MICAL2: variants seen among roughly 807,000 people sequenced by gnomAD.
MICAL2 encodes [F-actin]-monooxygenase MICAL2.
In MICAL2, 77 loss-of-function variants were observed where a neutral mutation model predicts 127.3. The observed-to-expected ratio is 0.60, with a 90% CI of 0.50 to 0.73. The LOEUF (loss-of-function observed/expected upper bound fraction) is 0.73, where lower values mean the gene tolerates loss of function less well. MICAL2 is among the 30% of genes least tolerant of loss of function. MICAL2 has a pLI of 0.00. For synonymous variants in MICAL2, 570 were observed against 551.1 expected (o/e 1.03, Z -0.48); for missense variants, 1,351 against 1,434.4 (o/e 0.94, Z 0.94).
intron 15 of MICAL2, among the ~76,000 whole-genome samples, chr11:12,232,586 G>T (rs983345755): frequency 2.0e-5 from 3 of 152,156 alleles, no homozygotes; most frequent in African/African-American, 7.2e-5. Context: ...AGCCTGCGTG[G>T]TGGTGCACAC....
chr11:12,123,762 G>T (rs1374261431), intron 1 of MICAL2, among the ~76,000 whole-genome samples: 1 of 152,002 alleles, frequency 6.6e-6, no homozygotes, highest in Non-Finnish European at 1.5e-5. Context: ...TTTCTCTCCT[G>T]CATCTTCTTC....
chr11:12,133,953 A>G (rs1034304891), intron 1 of MICAL2, among the ~76,000 whole-genome samples: 1 of 152,232 alleles, frequency 6.6e-6, no homozygotes. Context: ...GTGACAGTAG[A>G]AATGGGCTGT....
intron 22 of MICAL2, among the ~76,000 whole-genome samples, chr11:12,250,490 T>C (rs1206649905): frequency 1.3e-5 from 2 of 152,214 alleles, no homozygotes; most frequent in African/African-American, 4.8e-5. Context: ...TGGAAGTCTC[T>C]CCATTTTACA....
At chr11:12,125,888 A>G (rs960188862) in intron 1 of MICAL2, among the ~76,000 whole-genome samples, 1 of 152,182 alleles carries the variant, frequency 6.6e-6, no homozygotes, top group South Asian at 2.1e-4. Flanking sequence ...TTCTTTAAAT[A>G]ACAGATAATC....
intron 29 of MICAL2, among the ~76,000 whole-genome samples, chr11:12,313,638 A>G (rs1460038357): frequency 6.6e-6 from 1 of 152,164 alleles, no homozygotes; most frequent in Admixed American, 6.5e-5. Flanking sequence ...ATTGGATGTG[A>G]TATTCTATAT....
downstream of MICAL2, among the ~76,000 whole-genome samples, chr11:12,266,634 T>G (rs1483330436): frequency 6.6e-6 from 1 of 152,198 alleles, no homozygotes; most frequent in African/African-American, 2.4e-5. Context: ...CTCCTGATAC[T>G]AGGGAGGCAG....
intron 2 of MICAL2, among the ~76,000 whole-genome samples, chr11:12,158,168 CAAGT>C (rs1014029611): frequency 6.6e-6 from 1 of 151,404 alleles, no homozygotes; most frequent in Non-Finnish European, 1.5e-5. Context: ...GATGCTCAAC[CAAGT>C]AAGTATGATG....
intron 2 of MICAL2, among the ~76,000 whole-genome samples, chr11:12,150,723 T>C (rs9804669): frequency 0.96 from 145,604 of 152,348 alleles, 69,733 homozygotes; most frequent in Non-Finnish European, 0.98. Flanking sequence ...CAGTGCCATT[T>C]AGATACAAAG....
chr11:12,201,609 G>A (rs550473106), intron 3 of MICAL2, among the ~76,000 whole-genome samples: 2 of 152,196 alleles, frequency 1.3e-5, no homozygotes, highest in South Asian at 4.2e-4. Context: ...GTTTTAGACA[G>A]TATCGATGTT....
At chr11:12,344,879 C>A (rs961550711) in intron 32 of MICAL2, among the ~76,000 whole-genome samples, 1 of 151,340 alleles carries the variant, frequency 6.6e-6, no homozygotes, top group Admixed American at 6.6e-5. Context: ...GAGGCCAAGG[C>A]GGGCAGATCA....
chr11:12,360,757 C>T (rs1451935644), downstream of MICAL2, among the ~76,000 whole-genome samples: 1 of 152,204 alleles, frequency 6.6e-6, no homozygotes, highest in African/African-American at 2.4e-5. Flanking sequence ...AATTTGTTCA[C>T]TTGCTTTCAC....
intron 1 of MICAL2, among the ~76,000 whole-genome samples, chr11:12,117,210 G>A (rs1238915983): frequency 6.6e-6 from 1 of 152,212 alleles, no homozygotes; most frequent in East Asian, 1.9e-4. Flanking sequence ...AAGAGAGAAT[G>A]TCTAGTGCAG....
At chr11:12,300,364 G>A (rs1046620798) in intron 29 of MICAL2, among the ~76,000 whole-genome samples, 1 of 152,154 alleles carries the variant, frequency 6.6e-6, no homozygotes, top group Non-Finnish European at 1.5e-5. Flanking sequence ...TTCATCCCAT[G>A]ATTAAGTTAG....
At chr11:12,189,946 A>G (rs1858868397) in intron 3 of MICAL2, among the ~76,000 whole-genome samples, 1 of 152,262 alleles carries the variant, frequency 6.6e-6, no homozygotes, top group Admixed American at 6.5e-5. Context: ...TCTATCATAC[A>G]GTAATCATGG....
At position 12,354,941 on chromosome 11, in the gene MICAL2, C is replaced by T; in HGVS notation, c.5689+84C>T. 7 of 1,276,702 alleles carry T rather than the reference C, an allele frequency of 5.5e-6. No individual in the cohort carries two copies. The South Asian group carries it at 9.2e-5, about 17-fold the overall frequency. The allele number at this position is 1,276,702 out of a possible 1,614,324, so 79.1% of individuals were successfully genotyped here. A position where few individuals can be genotyped will look rare whatever the true frequency, so the allele number is the denominator to read the frequency against. On this transcript the variant is annotated intron_variant, in intron 34 of 34. Transcript: ENST00000646065. ...GTGCCACAAATCCCAGAGTGGGGCG[C>T]TCTTCCTGCCTGCCAGCCTGCAAGT... is the stretch of plus-strand genomic sequence containing the variant.
At chr11:12,195,705 C>CTTTTT (rs35521222) in intron 3 of MICAL2, among the ~76,000 whole-genome samples, 1 of 144,552 alleles carries the variant, frequency 6.9e-6, no homozygotes, top group Non-Finnish European at 1.5e-5. Context: ...CAATAGATTT[C>CTTTTT]TTTTTTTTTT....
At chr11:12,285,533 C>T (rs1863817112) in intron 2 of MICAL2, among the ~76,000 whole-genome samples, 1 of 152,182 alleles carries the variant, frequency 6.6e-6, no homozygotes, top group Non-Finnish European at 1.5e-5. Flanking sequence ...CAGGAATGAA[C>T]AAAGACAGGG....
In MICAL2 at chr11:12,260,758, G is replaced by A. The variant is rs1186698573; in HGVS notation, c.3334+861G>A. 5 of 985,314 alleles carry A rather than the reference G, an allele frequency of 5.1e-6. No individual in the cohort carries two copies. In the African/African-American group the frequency reaches 7.0e-5, roughly 14 times the overall value. The allele number at this position is 985,314 out of a possible 1,614,324, so 61.0% of individuals were successfully genotyped here. ...CTTACAGAAGCACGGAGCAGTGTGT[G>A]GTTGGCTGTTATCTGTCCCCCTGGG... On this transcript the variant is annotated intron_variant, in intron 26 of 27. Transcript: ENST00000683283.
chr11:12,307,558 C>A (rs776155837), intron 29 of MICAL2, among the ~76,000 whole-genome samples: 2 of 152,156 alleles, frequency 1.3e-5, no homozygotes, highest in Non-Finnish European at 2.9e-5. Context: ...TCTAGATTTT[C>A]GGCTTCAGCC....
Sources: allele counts gnomAD v4.1 joint callset (sites outside exome capture counted in the v4.1 genomes callset), GRCh38; gene constraint gnomAD v4.1.1; transcripts MANE v1.5; gene names NCBI Gene and HGNC (gene_info 2026-07-23, HGNC 2026-07-21).